The following SEMA3A variants were observed in gnomAD, a reference collection of about 807,000 sequenced individuals.
SEMA3A encodes the protein semaphorin 3A, also known as semaphorin-3A.
SEMA3A carries 29 observed loss-of-function variants against 97.9 expected under a neutral mutation model. The observed-to-expected ratio is 0.30, with a 90% confidence interval of 0.22 to 0.40. The LOEUF (loss-of-function observed/expected upper bound fraction) is 0.40. SEMA3A is among the 10% of genes least tolerant of loss of function. SEMA3A has a pLI of 1.00. For synonymous variants in SEMA3A, 321 were observed against 323.7 expected (o/e 0.99, Z 0.09); for missense variants, 763 against 951.3 (o/e 0.80, Z 2.60).
At chr7:84,043,359 A>C (rs73187443) in intron 6 of SEMA3A, among the ~76,000 whole-genome samples, 8,075 of 152,134 alleles carry the variant, frequency 0.053, 298 homozygotes, top group East Asian at 0.19. Context: ...ATTTCAAGTT[A>C]CAATTTTAGA....
intron 1 of SEMA3A, among the ~76,000 whole-genome samples, chr7:84,171,752 TA>T (rs1181181302): frequency 2.0e-5 from 3 of 152,064 alleles, no homozygotes; most frequent in East Asian, 1.9e-4. Context: ...CTGCTTTGAT[TA>T]AAAAAATATA....
At position 84,007,400 on chromosome 7, in the gene SEMA3A, G is replaced by A; in HGVS notation, c.1093C>T (p.Gln365Ter). Residue 365 changes from glutamine (Q) to a stop codon, truncating the protein, a stop_gained, in exon 10 of 17, where the codon CAA becomes TAA. Transcript: ENST00000265362. LOFTEE classifies it high-confidence loss of function. ...ACTCTTCCTTGATAAGGCACCCATT[G>A]ATAGTTGGGTCCATCCCTGTGGGCA... Reference protein sequence around the residue: ...PYAHRDGPNYQWVPYQGRVPY... With the variant: ...PYAHRDGPNY 1.2e-6 allele frequency: 2 copies of A among 1,610,028 alleles called. No individual in the cohort carries two copies. Among genetic ancestry groups the A allele is most frequent in the Non-Finnish European group, 1.7e-6 (2 of 1,178,070 alleles).
intron 3 of SEMA3A, among the ~76,000 whole-genome samples, chr7:84,278,997 T>C (rs1328986401): frequency 6.6e-6 from 1 of 152,120 alleles, no homozygotes; most frequent in Non-Finnish European, 1.5e-5. Context: ...AAAATAGGTG[T>C]TCTTTTACTT....
At chr7:84,067,485 A>C (rs1296862263) in intron 4 of SEMA3A, among the ~76,000 whole-genome samples, 1 of 151,082 alleles carries the variant, frequency 6.6e-6, no homozygotes, top group Non-Finnish European at 1.5e-5. Flanking sequence ...GTGAACAGGC[A>C]ACCTACAAAA....
At chr7:84,455,682 G>C (rs1016920530) in intron 1 of SEMA3A, among the ~76,000 whole-genome samples, 3 of 151,860 alleles carry the variant, frequency 2.0e-5, no homozygotes, top group African/African-American at 4.8e-5. Flanking sequence ...AAATACAGTT[G>C]TGTACAATTA....
chr7:83,961,695 G>T lies in SEMA3A; in HGVS notation c.1992C>A (p.Thr664=). Residue 664 remains threonine (T), a synonymous_variant, in exon 17 of 17, where the codon ACC becomes ACA. Coordinates refer to ENST00000265362, the MANE Select transcript of SEMA3A (RefSeq NM_006080.3). ...AATGCTCTGTGTCAATGACTTCCAG[G>T]GTTACCTTAAGAAGAGTTTGTATGA... The part of the protein sequence containing the change: ...HGFIQTLLKV[T]LEVIDTEHLE... The T allele has an allele frequency of 6.2e-7, 1 of 1,613,628 alleles. No homozygotes were observed. The highest frequency in any genetic ancestry group is 8.5e-7 in the Non-Finnish European group (1 of 1,179,838).
In SEMA3A at chr7:84,124,968, A is replaced by T. The variant is rs147198799; in HGVS notation, c.333+4155T>A. The stretch of plus-strand genomic sequence containing the variant: ...TATGAAAAGCAATATTAAAGGATCT[A>T]TAAGGGTTATCAGCAAAATAGTATG... On this transcript the variant is annotated intron_variant, in intron 3 of 16. Transcript: ENST00000265362. Among the ~76,000 whole-genome samples the T allele has an allele frequency of 2.0e-5, 3 of 152,126 alleles. No homozygotes were observed. In the East Asian group the frequency reaches 5.8e-4, roughly 29 times the overall value.
rs1188652317 is a variant in SEMA3A, at chr7:83,959,471, C to T, written c.*1900G>A. ...TCCATGTGAGGATATACAGTACTTC[C>T]AAAAGCAACACCATATTAGTCAATG... On this transcript the variant is annotated 3_prime_UTR_variant, in exon 17 of 17. Coordinates refer to ENST00000265362, the MANE Select transcript of SEMA3A (RefSeq NM_006080.3). 2.0e-5 allele frequency: 3 copies of T among 151,964 alleles called. No individual in the cohort carries two copies. Among genetic ancestry groups the T allele is most frequent in the African/African-American group, 7.2e-5 (3 of 41,424 alleles). 9.4% of individuals were successfully genotyped at this position (151,964 alleles called of 1,614,324 possible).
Position 84,058,816 on chromosome 7 carries a change from T to C in SEMA3A, c.547+1649A>G, listed in dbSNP as rs566712056. Among the ~76,000 whole-genome samples, 3 of 152,278 alleles carry C rather than the reference T, an allele frequency of 2.0e-5. No individual in the cohort carries two copies. The South Asian group carries it at 6.2e-4, about 32-fold the overall frequency. On this transcript the variant is annotated intron_variant, in intron 5 of 16. Coordinates refer to ENST00000265362, the MANE Select transcript of SEMA3A (RefSeq NM_006080.3). The stretch of plus-strand genomic sequence containing the variant: ...TGAACTTTGCTCATTCTCTCTGCCT[T>C]TTCATAAACCTATATAGCTTTTTCA...
intron 4 of SEMA3A, among the ~76,000 whole-genome samples, chr7:84,091,015 T>C (rs2115846970): frequency 6.7e-6 from 1 of 149,104 alleles, no homozygotes; most frequent in Non-Finnish European, 1.5e-5. Flanking sequence ...TGCAGTGAGC[T>C]GAGATCACGA....
chr7:84,123,396 T>C (rs1188508824), intron 3 of SEMA3A, among the ~76,000 whole-genome samples: 3 of 149,882 alleles, frequency 2.0e-5, no homozygotes, highest in African/African-American at 7.6e-5. Flanking sequence ...AAATAACAGC[T>C]CTCAAGTAAC....
chr7:84,192,251 A>G (rs1254521124), intron 1 of SEMA3A, among the ~76,000 whole-genome samples: 1 of 152,002 alleles, frequency 6.6e-6, no homozygotes, highest in East Asian at 1.9e-4. Context: ...CTTTAGAAAC[A>G]AAGTACTGGC....
At chr7:84,077,213 G>T (rs1326701058) in intron 4 of SEMA3A, among the ~76,000 whole-genome samples, 1 of 152,048 alleles carries the variant, frequency 6.6e-6, no homozygotes, top group African/African-American at 2.4e-5. Context: ...AAAAAGTAAA[G>T]TAATAGAACA....
chr7:84,051,500 G>C (rs1792651685), intron 5 of SEMA3A, among the ~76,000 whole-genome samples: 2 of 152,158 alleles, frequency 1.3e-5, no homozygotes, highest in South Asian at 4.2e-4. Flanking sequence ...CTCATGATTT[G>C]GCTCTCTGTT....
At chr7:84,227,827 A>C (rs977977477) in intron 3 of SEMA3A, among the ~76,000 whole-genome samples, 2 of 151,970 alleles carry the variant, frequency 1.3e-5, no homozygotes, top group Non-Finnish European at 2.9e-5. Flanking sequence ...TCTCATTGCC[A>C]AGTAATTTTC....
intron 2 of SEMA3A, among the ~76,000 whole-genome samples, chr7:84,310,774 TTTAAAGCTG>T (rs1395230886): frequency 2.6e-5 from 4 of 152,058 alleles, no homozygotes; most frequent in African/African-American, 9.7e-5. Context: ...ATTGGAAAGA[TTTAAAGCTG>T]TTATTAATAT....
At chr7:84,190,711 T>C (rs1253124291) in intron 1 of SEMA3A, among the ~76,000 whole-genome samples, 1 of 147,460 alleles carries the variant, frequency 6.8e-6, no homozygotes, top group Non-Finnish European at 1.5e-5. Flanking sequence ...TATTTATATA[T>C]ATATATGTAT....
intron 1 of SEMA3A, among the ~76,000 whole-genome samples, chr7:84,149,243 A>T (rs73177481): frequency 0.081 from 12,370 of 152,252 alleles, 629 homozygotes; most frequent in East Asian, 0.2. Context: ...CAACTTAAGG[A>T]TTTTATCTTA....
chr7:83,961,501 T>A lies in SEMA3A; in HGVS notation c.2186A>T (p.Asp729Val), dbSNP rs1584480045. The change falls in exon 17 of 17, where the codon GAC (aspartate) becomes GTC (valine). Residue 729 changes from aspartate to valine, a missense_variant. By Grantham distance (152) the Asp-to-Val change is radical. This residue lies in a region of SEMA3A where 678 missense variants were observed against 881.3 expected (regional missense o/e 0.77). Coordinates refer to ENST00000265362, the MANE Select transcript of SEMA3A (RefSeq NM_006080.3). Reference sequence around the variant, plus strand: ...TGGCCTTTGCCGACGTTGTTTTCGGTCCCTTTTCCAAACTTGTTCACAGAA... The same window carrying A: ...TGGCCTTTGCCGACGTTGTTTTCGGACCCTTTTCCAAACTTGTTCACAGAA... ...DEFCEQVWKR[D>V]RKQRRQRPGH... The A allele has an allele frequency of 6.2e-7, 1 of 1,614,082 alleles. No homozygotes were observed. Among genetic ancestry groups the A allele is most frequent in the Non-Finnish European group, 8.5e-7 (1 of 1,179,964 alleles).
Sources: gnomAD v4.1 joint callset for allele counts (sites outside exome capture counted in the v4.1 genomes callset) on GRCh38, gnomAD v4.1.1 for gene constraint, gnomAD v4.1.1 regional missense constraint, MANE v1.5 for transcripts, NCBI Gene and HGNC (gene_info 2026-07-23, HGNC 2026-07-21) for gene names.